Variants in BOLA3 observed in about 807,000 individuals in gnomAD.
BOLA3 encodes the protein bolA-like protein 3.
BOLA3 carries 8 observed loss-of-function variants against 14.5 expected under a neutral mutation model. The ratio of observed to expected loss-of-function variants is 0.55; its 90% CI spans 0.32 to 0.99. BOLA3 has a LOEUF of 0.99. Ranked by LOEUF, BOLA3 falls within the 50% of genes least tolerant of loss-of-function variation. The pLI, the probability that BOLA3 is intolerant of heterozygous loss-of-function variation, is 0.04. For missense variants in BOLA3, 115 were observed against 138.2 expected (o/e 0.83, Z 0.84); for synonymous variants, 42 against 45.7 (o/e 0.92, Z 0.33).
In BOLA3 at chr2:74,136,388, C is replaced by T. The variant is rs559433731; in HGVS notation, c.259-730G>A. 2.2e-4 allele frequency among the ~76,000 whole-genome samples: 33 copies of T among 152,328 alleles called. No homozygotes were observed. The South Asian group carries it at 2.3e-3, about 11-fold the overall frequency. Reference sequence around the variant, plus strand: ...CATTACACCAAGCTTGTCCAACCCACGGCCCATGACAGCTTTGAATGTGGC... The same window carrying T: ...CATTACACCAAGCTTGTCCAACCCATGGCCCATGACAGCTTTGAATGTGGC... On this transcript the variant is annotated intron_variant, in intron 3 of 3. Transcript: ENST00000327428.
chr2:74,137,172 C>CA (rs1213304566), intron 3 of BOLA3, among the ~76,000 whole-genome samples: 1 of 152,222 alleles, frequency 6.6e-6, no homozygotes, highest in African/African-American at 2.4e-5. Context: ...ATATTGAGGT[C>CA]ATTATGTGCC....
chr2:74,144,067 A>G (rs1692496276), intron 2 of BOLA3, among the ~76,000 whole-genome samples: 1 of 141,938 alleles, frequency 7.0e-6, no homozygotes, highest in South Asian at 2.2e-4. Context: ...GTGCAGTGGC[A>G]TGATCTTGGC....
Position 74,147,841 on chromosome 2 carries a change from G to A in BOLA3, c.34C>T (p.Leu12Phe). ...CTCACCCCGCGGATCCCGCGGAGGA[G>A]AGGCGCTGCCGCGGCCGGGCTCCAT... ...AAWSPAAAAP[L>F]LRGIRGLPLH... is the part of the protein sequence containing the mutation. The change falls in exon 1 of 4, where the codon CTC (leucine) becomes TTC (phenylalanine). Residue 12 changes from leucine (L) to phenylalanine (F), a missense_variant. Coordinates refer to ENST00000327428, the MANE Select transcript of BOLA3 (RefSeq NM_212552.3). The A allele has an allele frequency of 6.6e-7, 1 of 1,526,474 alleles. No individual in the cohort carries two copies. The highest frequency in any genetic ancestry group is 8.7e-7 in the Non-Finnish European group (1 of 1,143,716). 94.6% of individuals were successfully genotyped at this position (1,526,474 alleles called of 1,614,324 possible).
chr2:74,147,651 G>GTGAA, intron 1 of BOLA3, 170 bp downstream of exon 1: 1 of 702,008 alleles, frequency 1.4e-6, no homozygotes, highest in South Asian at 1.7e-5. Context: ...TTGTCGCTGA[G>GTGAA]TGAATGAATG....
intron 1 of BOLA3, chr2:74,147,553 G>C (rs1398930791): frequency 2.0e-5 from 11 of 552,092 alleles, no homozygotes; most frequent in Non-Finnish European, 3.5e-5. Context: ...TATTATGACT[G>C]TTCATGTGTC....
At chr2:74,138,862 G>C (rs748531945) in intron 3 of BOLA3, among the ~76,000 whole-genome samples, 2 of 152,080 alleles carry the variant, frequency 1.3e-5, no homozygotes, top group Non-Finnish European at 2.9e-5. Context: ...GCCAATATGA[G>C]GCTCAAATCT....
At chr2:74,147,723 T>C in intron 1 of BOLA3, 98 bp downstream of exon 1, 1 of 1,266,568 alleles carries the variant, frequency 7.9e-7, no homozygotes, top group Non-Finnish European at 1.1e-6. Context: ...GCGCGCGCCC[T>C]CCGGGAGCCA....
chr2:74,143,328 T>G (rs1485435058), intron 2 of BOLA3, among the ~76,000 whole-genome samples: 3 of 151,962 alleles, frequency 2.0e-5, no homozygotes, highest in African/African-American at 7.2e-5. Context: ...GCTAATTTTT[T>G]TTTTGTATTT....
In BOLA3 at chr2:74,147,823, C is replaced by G. The variant is rs1397807195; in HGVS notation, c.52G>C (p.Gly18Arg). The G allele has an allele frequency of 6.5e-7, 1 of 1,528,680 alleles. No homozygotes were observed. Among genetic ancestry groups the G allele is most frequent in the Non-Finnish European group, 8.7e-7 (1 of 1,144,450 alleles). 94.7% of individuals were successfully genotyped at this position (1,528,680 alleles called of 1,614,324 possible). A position where few individuals can be genotyped will look rare whatever the true frequency, so the allele number is the denominator to read the frequency against. ...GCCCCGACCCTGCCCACGCTCACCC[C>G]GCGGATCCCGCGGAGGAGAGGCGCT... ...AAAPLLRGIRGLPLHHRMFAT... is the reference protein window; with the variant it reads ...AAAPLLRGIRRLPLHHRMFAT... Residue 18 changes from glycine (G) to arginine (R), a missense_variant and splice_region_variant, in exon 1 of 4, where the codon GGG (glycine) becomes CGG (arginine). Physicochemically the swap from Gly to Arg is moderately radical, Grantham distance 125. Transcript: ENST00000327428.
At chr2:74,139,309 T>C (rs369990197) in intron 3 of BOLA3, among the ~76,000 whole-genome samples, 8 of 151,890 alleles carry the variant, frequency 5.3e-5, no homozygotes, top group African/African-American at 1.9e-4. Context: ...GTAGGCAAAA[T>C]AGATGAGGCA....
chr2:74,145,303 G>C lies in BOLA3; in HGVS notation c.55C>G (p.Leu19Val), dbSNP rs780275860. The change falls in exon 2 of 4, where the codon CTT becomes GTT. Residue 19 changes from leucine to valine, a missense_variant and splice_region_variant. Transcript: ENST00000327428. ...GCAAACATCCGATGGTGAAGTGGAA[G>C]CTGCCACAGAACAGAGAGGAAGGTC... ...AAPLLRGIRG[L>V]PLHHRMFATQ... The C allele has an allele frequency of 6.4e-7, 1 of 1,559,264 alleles. No homozygotes were observed. The highest frequency in any genetic ancestry group is 1.4e-5 in the African/African-American group (1 of 73,932).
chr2:74,144,949 C>A (rs1034531909), intron 2 of BOLA3, among the ~76,000 whole-genome samples: 1 of 152,194 alleles, frequency 6.6e-6, no homozygotes, highest in African/African-American at 2.4e-5. Flanking sequence ...CTGAGCTGAG[C>A]CAGGCTGGCA....
chr2:74,143,538 C>T (rs1692486384), intron 2 of BOLA3, among the ~76,000 whole-genome samples: 1 of 152,134 alleles, frequency 6.6e-6, no homozygotes, highest in Admixed American at 6.6e-5. Context: ...TCCCCTTCTG[C>T]ACTCTGTCCA....
chr2:74,135,957 T>TTTG (rs1692317989), intron 3 of BOLA3, among the ~76,000 whole-genome samples: 2 of 151,032 alleles, frequency 1.3e-5, no homozygotes, highest in Admixed American at 1.3e-4. Context: ...TCTTTTTTTT[T>TTTG]TTTTTTTTTT....
intron 3 of BOLA3, among the ~76,000 whole-genome samples, chr2:74,141,731 G>A (rs1372859631): frequency 3.3e-5 from 5 of 152,128 alleles, no homozygotes; most frequent in Admixed American, 1.3e-4. Flanking sequence ...AAATTCATAG[G>A]TACAGGTACA....
chr2:74,144,938 T>C (rs1168734361), intron 2 of BOLA3, among the ~76,000 whole-genome samples: 1 of 152,196 alleles, frequency 6.6e-6, no homozygotes, highest in Non-Finnish European at 1.5e-5. Flanking sequence ...AGGGACCTTG[T>C]CTGAGCTGAG....
chr2:74,137,792 A>G (rs1692361643), intron 3 of BOLA3, among the ~76,000 whole-genome samples: 1 of 152,152 alleles, frequency 6.6e-6, no homozygotes, highest in Non-Finnish European at 1.5e-5. Context: ...CCAGCTCCAC[A>G]ATCAAGTGCA....
intron 3 of BOLA3, among the ~76,000 whole-genome samples, chr2:74,137,498 T>C (rs1319320816): frequency 6.6e-6 from 1 of 152,196 alleles, no homozygotes; most frequent in Non-Finnish European, 1.5e-5. Flanking sequence ...TAATTTGGTC[T>C]CTGTCTCTTA....
In BOLA3 at chr2:74,145,175, G is replaced by T. The variant is rs372348759; in HGVS notation, c.169+14C>A. 1.7e-5 allele frequency: 25 copies of T among 1,433,966 alleles called. No homozygotes were observed. Among genetic ancestry groups the T allele is most frequent in the Non-Finnish European group, 2.3e-5 (23 of 1,016,396 alleles). The allele number at this position is 1,433,966 out of a possible 1,614,324, so 88.8% of individuals were successfully genotyped here. On this transcript the variant is annotated intron_variant, in intron 2 of 3. Coordinates refer to ENST00000327428, the MANE Select transcript of BOLA3 (RefSeq NM_212552.3). ...CTTATCCAAGCGCCGTAGGAAGAGT[G>T]AGAGAAACCTTACCTGAAATGTCAG...
Sources: gnomAD v4.1 joint callset for allele counts (sites outside exome capture counted in the v4.1 genomes callset) on GRCh38, gnomAD v4.1.1 for gene constraint, MANE v1.5 for transcripts, NCBI Gene and HGNC (gene_info 2026-07-23, HGNC 2026-07-21) for gene names.